The following ARAP1 variants were observed in gnomAD, a reference collection of about 807,000 sequenced individuals.
ARAP1 encodes the protein ArfGAP with RhoGAP domain, ankyrin repeat and PH domain 1, also known as arf-GAP with Rho-GAP domain, ANK repeat and PH domain-containing protein 1.
In ARAP1, 76 loss-of-function variants were observed where a neutral mutation model predicts 172.2. The observed-to-expected ratio is 0.44, with a 90% CI of 0.37 to 0.53. ARAP1 has a LOEUF of 0.53. Among genes scored for constraint, ARAP1 ranks in the 20% least tolerant of loss-of-function variants. The pLI is 0.00. For synonymous variants in ARAP1, 804 were observed against 803.3 expected (o/e 1.00, Z -0.01); for missense variants, 1,686 against 1,977.5 (o/e 0.85, Z 2.80).
chr11:72,697,435 C>T lies in ARAP1; in HGVS notation c.2841G>A (p.Gly947=). 1 of 1,612,594 alleles carries T rather than the reference C, an allele frequency of 6.2e-7. No individual in the cohort carries two copies. Among genetic ancestry groups the T allele is most frequent in the Non-Finnish European group, 8.5e-7 (1 of 1,179,706 alleles). The change falls in exon 21 of 35, where the codon GGG becomes GGA. Residue 947 remains glycine, a synonymous_variant. Transcript: ENST00000393609. Reference sequence around the variant, plus strand: ...TGCTGGCGGCTGCTTTCTGGATGGCCCCCAGCCAACCCATGAAGTCCAGCC... The same window carrying T: ...TGCTGGCGGCTGCTTTCTGGATGGCTCCCAGCCAACCCATGAAGTCCAGCC... ...ERRLDFMGWL[G]AIQKAAASMG...
intron 1 of ARAP1, among the ~76,000 whole-genome samples, chr11:72,743,747 C>A (rs2135592582): frequency 1.3e-5 from 2 of 152,216 alleles, no homozygotes; most frequent in African/African-American, 4.8e-5. Flanking sequence ...GCTGGGGATG[C>A]CCTCACCCAC....
In ARAP1 at chr11:72,712,344, C is replaced by T. The variant is rs369982548; in HGVS notation, c.879-5G>A. The T allele has an allele frequency of 4.9e-5, 76 of 1,542,360 alleles. No individual in the cohort carries two copies. The highest frequency in any genetic ancestry group is 1.7e-4 in the South Asian group (14 of 81,328). On this transcript the variant is annotated splice_region_variant and splice_polypyrimidine_tract_variant and intron_variant, in intron 6 of 34. Transcript: ENST00000393609. ...CTGCTGGTATGCCATCCGCCACTAG[C>T]GAGAGATGAGGGGATGGGGGGCCGG...
Position 72,704,149 on chromosome 11 carries a change from G to C in ARAP1, c.1992+3C>G. 1.2e-6 allele frequency: 2 copies of C among 1,614,112 alleles called. No homozygotes were observed. Among genetic ancestry groups the C allele is most frequent in the Non-Finnish European group, 1.7e-6 (2 of 1,180,012 alleles). ...AGGGGCCCCAGAGCTGCAGTGCCCT[G>C]ACCTTGTCCAGCTCCTCCTGGTTGC... On this transcript the variant is annotated splice_donor_region_variant and intron_variant, in intron 14 of 34. Coordinates refer to ENST00000393609, the MANE Select transcript of ARAP1 (RefSeq NM_001040118.3).
intron 2 of ARAP1, among the ~76,000 whole-genome samples, chr11:72,731,352 T>C (rs1246374209): frequency 2.6e-5 from 4 of 152,192 alleles, no homozygotes; most frequent in Non-Finnish European, 4.4e-5. Context: ...CCCTCATGAA[T>C]AGCTTGGTGC....
chr11:72,722,168 AG>A, intron 3 of ARAP1: 3 of 983,128 alleles, frequency 3.1e-6, no homozygotes, highest in East Asian at 2.3e-4. Context: ...AGAGAGAGAG[AG>A]AGAAAGACAG....
At chr11:72,696,420 A>G (rs1856195125) in intron 23 of ARAP1, 129 bp downstream of exon 23, 13 of 647,338 alleles carry the variant, frequency 2.0e-5, no homozygotes, top group Non-Finnish European at 3.3e-5. Context: ...ATCCAATGTT[A>G]GGGCAGATCA....
chr11:72,702,755 A>G, intron 15 of ARAP1, 150 bp downstream of exon 15: 1 of 947,472 alleles, frequency 1.1e-6, no homozygotes, highest in Non-Finnish European at 1.5e-6. Flanking sequence ...ACAAATACAC[A>G]CTGACATGCA....
chr11:72,723,730 T>C (rs1024845238), intron 3 of ARAP1, among the ~76,000 whole-genome samples: 4 of 152,154 alleles, frequency 2.6e-5, no homozygotes, highest in South Asian at 4.1e-4. Context: ...CAAGCTCACG[T>C]TGGCAATCAT....
At chr11:72,729,727 G>A (rs911315395) in intron 2 of ARAP1, among the ~76,000 whole-genome samples, 7 of 152,150 alleles carry the variant, frequency 4.6e-5, no homozygotes, top group Admixed American at 2.0e-4. Context: ...AGACCAGCCT[G>A]GGCAACACAG....
chr11:72,727,270 T>C (rs1251120973), intron 2 of ARAP1, 98 bp from the exon 3 acceptor site: 1 of 1,113,436 alleles, frequency 9.0e-7, no homozygotes, highest in African/African-American at 1.6e-5. Flanking sequence ...TAGGTTCAAG[T>C]TCTGTCCTGG....
rs377554690 is a variant in ARAP1 at position 72,699,481 on chromosome 11, G to A, written c.2374C>T (p.Pro792Ser). Reference protein sequence around the residue: ...SYFENERAVTPNGEIRASEIV... With the variant: ...SYFENERAVTSNGEIRASEIV... The stretch of plus-strand genomic sequence containing the variant: ...TCGCTGGCCCGAATCTCTCCATTGG[G>A]GGTCACTGCCCGCTCATTCTCAAAG... The change falls in exon 17 of 35, where the codon CCC becomes TCC. Residue 792 changes from proline to serine, a missense_variant. Pro to Ser is a moderately conservative substitution (Grantham distance 74). Transcript: ENST00000393609. This position sits in a 1 kb window ranked among gnomAD's most constrained non-coding sequence, Gnocchi z 4.2. 3 of 1,613,880 alleles carry A rather than the reference G, an allele frequency of 1.9e-6. No homozygotes were observed. Among genetic ancestry groups the A allele is most frequent in the African/African-American group, 1.3e-5 (1 of 74,874 alleles).
Position 72,697,903 on chromosome 11 carries a change from C to A in ARAP1, c.2737+8G>T. 2 of 1,584,462 alleles carry A rather than the reference C, an allele frequency of 1.3e-6. No individual in the cohort carries two copies. The highest frequency in any genetic ancestry group is 2.3e-5 in the South Asian group (2 of 87,636). On this transcript the variant is annotated splice_region_variant and intron_variant, in intron 19 of 34. Coordinates refer to ENST00000393609, the MANE Select transcript of ARAP1 (RefSeq NM_001040118.3). The stretch of plus-strand genomic sequence containing the variant: ...TGGAGGCTGGGGGCCCAGGTCTGGT[C>A]CACGCACAAAGCTCCTGCAGTTTCC...
chr11:72,710,368 C>T lies in ARAP1; in HGVS notation c.1416+17G>A. On this transcript the variant is annotated intron_variant, in intron 10 of 34. Transcript: ENST00000393609. This position sits in a 1 kb window ranked among gnomAD's most constrained non-coding sequence, Gnocchi z 4.3. ...GGTGGACATGGGCAGGGGAGAGGTT[C>T]CATGACCCCTTAGCACCTCTAGATT... 1 of 1,613,214 alleles carries T rather than the reference C, an allele frequency of 6.2e-7. No homozygotes were observed. Among genetic ancestry groups the T allele is most frequent in the Non-Finnish European group, 8.5e-7 (1 of 1,179,376 alleles).
At chr11:72,731,358 G>A (rs1389750519) in intron 2 of ARAP1, among the ~76,000 whole-genome samples, 1 of 152,130 alleles carries the variant, frequency 6.6e-6, no homozygotes, top group African/African-American at 2.4e-5. Context: ...TGAATAGCTT[G>A]GTGCCCTCCC....
At chr11:72,687,118 C>A (rs947223351) in intron 33 of ARAP1, 10 of 392,186 alleles carry the variant, frequency 2.5e-5, no homozygotes. Flanking sequence ...GACTCAGATC[C>A]CCTGGGCTCT....
rs1242506516 is a variant in ARAP1 at position 72,699,095 on chromosome 11, G to T, written c.2451C>A (p.Thr817=). 6.2e-7 allele frequency: 1 copy of T among 1,614,102 alleles called. No individual in the cohort carries two copies. The highest frequency in any genetic ancestry group is 1.1e-5 in the South Asian group (1 of 91,084). The part of the protein sequence containing the change: ...PPPDTHGFEH[T]FEVYTEGERL... Reference sequence around the variant, plus strand: ...GTTCTCCCTCCGTGTACACCTCAAAGGTGTGCTCAAAGCTGCAAATACACA... The same window carrying T: ...GTTCTCCCTCCGTGTACACCTCAAATGTGTGCTCAAAGCTGCAAATACACA... Residue 817 remains threonine (T), a synonymous_variant, in exon 18 of 35, where the codon ACC becomes ACA. Coordinates refer to ENST00000393609, the MANE Select transcript of ARAP1 (RefSeq NM_001040118.3). The surrounding 1 kb of genome is among the most constrained non-coding windows in gnomAD (Gnocchi z 4.2).
At position 72,701,916 on chromosome 11, in the gene ARAP1, A is replaced by G. The variant is rs1856500274; in HGVS notation, c.2168-133T>C. The G allele has an allele frequency of 4.2e-6, 5 of 1,188,054 alleles. No individual in the cohort carries two copies. In the South Asian group the frequency reaches 7.2e-5, roughly 17 times the overall value. The allele number at this position is 1,188,054 out of a possible 1,614,324, so 73.6% of individuals were successfully genotyped here. On this transcript the variant is annotated intron_variant, in intron 15 of 34. Transcript: ENST00000393609. ...CCCAGCTCCCTAACTGGCAGCCTCA[A>G]GCTCCCCCTCCTACCTGCAGGGTCT...
intron 2 of ARAP1, among the ~76,000 whole-genome samples, chr11:72,728,901 A>AT (rs893448866): frequency 6.6e-5 from 10 of 152,126 alleles, no homozygotes; most frequent in African/African-American, 2.2e-4. Flanking sequence ...TATGTACAGA[A>AT]TTTTTTTTGA....
rs1405197351 is a variant in ARAP1, at chr11:72,695,562, C to T, written c.3487G>A (p.Gly1163Ser). 6.2e-7 allele frequency: 1 copy of T among 1,613,992 alleles called. No homozygotes were observed. Among genetic ancestry groups the T allele is most frequent in the East Asian group, 2.2e-5 (1 of 44,902 alleles). Residue 1163 changes from glycine (G) to serine (S), a missense_variant, in exon 25 of 35, where the codon GGC becomes AGC. Physicochemically the swap from Gly to Ser is moderately conservative, Grantham distance 56 (BLOSUM62 0). Coordinates refer to ENST00000393609, the MANE Select transcript of ARAP1 (RefSeq NM_001040118.3). The surrounding 1 kb of genome is among the most constrained non-coding windows in gnomAD (Gnocchi z 4.4). ...TTCACCTGGGTCCCACTGGCAGTGCCAGCCACGCGCATCTTCACAATGGCA... is the reference window on the plus strand; with the variant it reads ...TTCACCTGGGTCCCACTGGCAGTGCTAGCCACGCGCATCTTCACAATGGCA... ...ITAIVKMRVA[G>S]TASGTQHAGD...
Sources: allele counts gnomAD v4.1 joint callset (sites outside exome capture counted in the v4.1 genomes callset), GRCh38; gene constraint gnomAD v4.1.1; non-coding constraint Gnocchi (gnomAD v3.1); transcripts MANE v1.5; gene names NCBI Gene and HGNC (gene_info 2026-07-23, HGNC 2026-07-21).